WDR43: variants seen among roughly 807,000 people sequenced by gnomAD.
WDR43 encodes WD repeat-containing protein 43.
In WDR43, 13 loss-of-function variants were observed where a neutral mutation model predicts 91.4. The observed-to-expected ratio is 0.14, with a 90% CI of 0.09 to 0.23. The LOEUF (loss-of-function observed/expected upper bound fraction) is 0.23, where lower values mean the gene tolerates loss of function less well. Among genes scored for constraint, WDR43 ranks in the 10% least tolerant of loss-of-function variants. The pLI is 1.00. For missense variants in WDR43, 780 were observed against 809.4 expected, an observed-to-expected ratio of 0.96 and a Z score of 0.44; for synonymous variants, 331 against 287.9, an observed-to-expected ratio of 1.15 and a Z score of -1.51.
At chr2:28,910,311 TA>T (rs1553326457) in intron 3 of WDR43, among the ~76,000 whole-genome samples, 1 of 152,192 alleles carries the variant, frequency 6.6e-6, no homozygotes, top group Non-Finnish European at 1.5e-5. Context: ...TTTATATATG[TA>T]TCAACGTAGT....
At chr2:28,905,781 C>T (rs760839216) in intron 2 of WDR43, among the ~76,000 whole-genome samples, 7 of 151,742 alleles carry the variant, frequency 4.6e-5, no homozygotes, top group Non-Finnish European at 1.0e-4. Context: ...TCTCCTGCCT[C>T]AGCCTCTCAG....
intron 1 of WDR43, among the ~76,000 whole-genome samples, chr2:28,896,026 C>T (rs1487489139): frequency 6.6e-6 from 1 of 152,140 alleles, no homozygotes; most frequent in South Asian, 2.1e-4. Context: ...TTTTAAGCTA[C>T]ATTTTCATAG....
At position 28,894,767 on chromosome 2, in the gene WDR43, G is replaced by T. The variant is rs754464477; in HGVS notation, c.69G>T (p.Pro23=). 1.9e-6 allele frequency: 3 copies of T among 1,603,556 alleles called. No individual in the cohort carries two copies. Among genetic ancestry groups the T allele is most frequent in the East Asian group, 2.2e-5 (1 of 44,490 alleles). The change falls in exon 1 of 18, where the codon CCG becomes CCT. Residue 23 remains proline (P), a synonymous_variant. Coordinates refer to ENST00000407426, the MANE Select transcript of WDR43 (RefSeq NM_015131.3). ...CTGGGGTCCCTTGCGCCTTCTCCCCGCACAGCCAGGCCTACTTCGCTTTGG... is the reference window on the plus strand; with the variant it reads ...CTGGGGTCCCTTGCGCCTTCTCCCCTCACAGCCAGGCCTACTTCGCTTTGG... ...APAGVPCAFS[P]HSQAYFALAS... is the part of the protein sequence containing the mutation.
In WDR43 at chr2:28,948,211, C is replaced by T. The variant is rs1671587989; in HGVS notation, c.*1432C>T. 6.6e-6 allele frequency: 1 copy of T among 152,166 alleles called. No homozygotes were observed. Among genetic ancestry groups the T allele is most frequent in the African/African-American group, 2.4e-5 (1 of 41,426 alleles). 9.4% of individuals were successfully genotyped at this position (152,166 alleles called of 1,614,324 possible). On this transcript the variant is annotated 3_prime_UTR_variant, in exon 18 of 18. Coordinates refer to ENST00000407426, the MANE Select transcript of WDR43 (RefSeq NM_015131.3). ...CTTTGTAAAGTGAATAAATATTCAT[C>T]TTTACCCAGTGCTTGTCTTGTGGTA...
Position 28,947,505 on chromosome 2 carries a change from A to G in WDR43, c.*726A>G, listed in dbSNP as rs921745316. On this transcript the variant is annotated 3_prime_UTR_variant, in exon 18 of 18. Transcript: ENST00000407426. ...TTTTTCTTGACTGCAAATTACTTCT[A>G]AAGAATCATCAGTGTATAGATTAGA... 1 of 152,186 alleles carries G rather than the reference A, an allele frequency of 6.6e-6. No homozygotes were observed. Among genetic ancestry groups the G allele is most frequent in the Non-Finnish European group, 1.5e-5 (1 of 68,026 alleles). The allele number at this position is 152,186 out of a possible 1,614,324, so 9.4% of individuals were successfully genotyped here. A position where few individuals can be genotyped will look rare whatever the true frequency, so the allele number is the denominator to read the frequency against.
chr2:28,908,538 C>G (rs1670727683), intron 3 of WDR43, among the ~76,000 whole-genome samples: 1 of 152,226 alleles, frequency 6.6e-6, no homozygotes, highest in Admixed American at 6.5e-5. Context: ...CACATAGGGA[C>G]TAGTAATGTT....
chr2:28,909,045 T>A (rs931839657), intron 3 of WDR43, among the ~76,000 whole-genome samples: 2 of 152,210 alleles, frequency 1.3e-5, no homozygotes. Flanking sequence ...CAGTTGTTTC[T>A]GGACACATCA....
At chr2:28,895,036 G>A (rs1670449473) in intron 1 of WDR43, 113 bp downstream of exon 1, 5 of 1,149,104 alleles carry the variant, frequency 4.4e-6, no homozygotes, top group Non-Finnish European at 5.7e-6. Flanking sequence ...GCCCGGGCCA[G>A]AAGGCTTGGA....
chr2:28,945,966 T>G (rs1465830316), intron 16 of WDR43, among the ~76,000 whole-genome samples: 3 of 152,232 alleles, frequency 2.0e-5, no homozygotes, highest in Non-Finnish European at 4.4e-5. Flanking sequence ...GATGAGATTT[T>G]TGTAAGGGTT....
At chr2:28,926,430 T>G (rs1399246883) in intron 8 of WDR43, 38 bp from the exon 9 acceptor site, 40 of 1,428,634 alleles carry the variant, frequency 2.8e-5, no homozygotes, top group Non-Finnish European at 3.6e-5. Context: ...TTTTTTTCTT[T>G]CCTCTCATCT....
intron 3 of WDR43, among the ~76,000 whole-genome samples, chr2:28,909,006 T>G (rs769864571): frequency 6.6e-6 from 1 of 152,170 alleles, no homozygotes; most frequent in African/African-American, 2.4e-5. Context: ...AGTTACTAGG[T>G]CATTCTCTAT....
Position 28,894,785 on chromosome 2 carries a change from C to T in WDR43, c.87C>T (p.Phe29=). 1 of 1,608,744 alleles carries T rather than the reference C, an allele frequency of 6.2e-7. No homozygotes were observed. The highest frequency in any genetic ancestry group is 8.5e-7 in the Non-Finnish European group (1 of 1,177,772). ...TCTCCCCGCACAGCCAGGCCTACTT[C>T]GCTTTGGCCTCTACCGACGGTCACT... ...CAFSPHSQAY[F]ALASTDGHLR... Residue 29 remains phenylalanine, a synonymous_variant, in exon 1 of 18, where the codon TTC becomes TTT. Coordinates refer to ENST00000407426, the MANE Select transcript of WDR43 (RefSeq NM_015131.3).
At chr2:28,901,820 T>C (rs760496323) in intron 1 of WDR43, among the ~76,000 whole-genome samples, 167 bp from the exon 2 acceptor site, 1 of 152,224 alleles carries the variant, frequency 6.6e-6, no homozygotes, top group Non-Finnish European at 1.5e-5. Flanking sequence ...TCTCTTCCCA[T>C]TGGAGGGATT....
chr2:28,921,251 C>T (rs1404533567), intron 6 of WDR43, among the ~76,000 whole-genome samples: 1 of 151,932 alleles, frequency 6.6e-6, no homozygotes, highest in Non-Finnish European at 1.5e-5. Context: ...CCTCAGCCTC[C>T]TGAGTAGCTG....
chr2:28,919,442 G>T (rs1332439680), intron 6 of WDR43, among the ~76,000 whole-genome samples: 1 of 152,156 alleles, frequency 6.6e-6, no homozygotes, highest in Admixed American at 6.5e-5. Context: ...GCCGAGGCAG[G>T]TGGATCATGA....
At chr2:28,943,968 A>C (rs1454270920) in intron 16 of WDR43, among the ~76,000 whole-genome samples, 1 of 152,184 alleles carries the variant, frequency 6.6e-6, no homozygotes, top group Admixed American at 6.5e-5. Flanking sequence ...GTGCAGTCCC[A>C]AAGTGATCCC....
intron 12 of WDR43, among the ~76,000 whole-genome samples, chr2:28,936,069 GGCAGTATGGAATTGGAGGTGGGAGGACT>G (rs1671332283): frequency 6.6e-6 from 1 of 152,056 alleles, no homozygotes; most frequent in Non-Finnish European, 1.5e-5. Context: ...CTCTGTGACT[GGCAGTATGGAATTGGAGGTGGGAGGACT>G]GCTTGAGCCC....
chr2:28,902,867 G>T (rs1252512690), intron 2 of WDR43, among the ~76,000 whole-genome samples: 1 of 152,176 alleles, frequency 6.6e-6, no homozygotes, highest in Non-Finnish European at 1.5e-5. Flanking sequence ...GGTCTAGTAG[G>T]TTCAGACAAT....
intron 10 of WDR43, among the ~76,000 whole-genome samples, chr2:28,929,059 G>A (rs762509412): frequency 3.9e-5 from 6 of 152,186 alleles, no homozygotes; most frequent in Non-Finnish European, 8.8e-5. Context: ...ACACTTAGTT[G>A]TAGTATAGCA....
Sources: gnomAD v4.1 joint callset for allele counts (sites outside exome capture counted in the v4.1 genomes callset) on GRCh38, gnomAD v4.1.1 for gene constraint, MANE v1.5 for transcripts, NCBI Gene and HGNC (gene_info 2026-07-23, HGNC 2026-07-21) for gene names.